DNAJC15: variants seen among roughly 807,000 people sequenced by gnomAD.
DNAJC15 encodes the protein dnaJ homolog subfamily C member 15.
DNAJC15 carries 27 observed loss-of-function variants against 22.4 expected under a neutral mutation model. The observed-to-expected ratio is 1.20, with a 90% CI of 0.89 to 1.66. DNAJC15 has a LOEUF of 1.66. DNAJC15 is among the 40% of genes most tolerant of loss of function. The probability of loss-of-function intolerance (pLI) is 0.00; values close to 1 mark genes in which losing one functional copy is unlikely to be tolerated. For synonymous variants in DNAJC15, 79 were observed against 63.2 expected, an observed-to-expected ratio of 1.25 and a Z score of -1.19; for missense variants, 208 against 187.1, an observed-to-expected ratio of 1.11 and a Z score of -0.65.
intron 5 of DNAJC15, among the ~76,000 whole-genome samples, chr13:43,099,993 T>C (rs953469349): frequency 6.6e-6 from 1 of 152,094 alleles, no homozygotes; most frequent in South Asian, 2.1e-4. Context: ...CTATAAGCCA[T>C]CAGGGGCTGG....
At chr13:43,051,013 C>T (rs556758141) in intron 1 of DNAJC15, among the ~76,000 whole-genome samples, 16 of 152,118 alleles carry the variant, frequency 1.1e-4, no homozygotes, top group South Asian at 1.0e-3. Context: ...TCACTGTTGC[C>T]GCCCAGGCTG....
At chr13:43,041,166 C>G (rs1159013090) in intron 1 of DNAJC15, among the ~76,000 whole-genome samples, 1 of 152,162 alleles carries the variant, frequency 6.6e-6, no homozygotes, top group Non-Finnish European at 1.5e-5. Flanking sequence ...GGGGAGAAAC[C>G]TTGGACGATA....
chr13:43,085,619 TG>T (rs1276840879), intron 4 of DNAJC15, 148 bp from the exon 5 acceptor site: 2 of 591,766 alleles, frequency 3.4e-6, no homozygotes, highest in Non-Finnish European at 5.9e-6. Flanking sequence ...TGATGGTTAG[TG>T]GAATTAAGTG....
chr13:43,027,947 G>A lies in DNAJC15; in HGVS notation c.108+4213G>A, dbSNP rs189165953. The stretch of plus-strand genomic sequence containing the variant: ...GCTGGGATTTCAGGGGTGAGCCACC[G>A]CACCCGGCCTAACTGATTCTTTCCC... On this transcript the variant is annotated intron_variant, in intron 1 of 5. Transcript: ENST00000379221. Among the ~76,000 whole-genome samples the A allele has an allele frequency of 7.2e-3, 1,098 of 152,244 alleles. 5 individuals carry two copies. The highest frequency in any genetic ancestry group is 0.012 in the Non-Finnish European group (789 of 68,004).
chr13:43,104,538 T>C (rs2762160), intron 5 of DNAJC15, among the ~76,000 whole-genome samples: 84,785 of 151,778 alleles, frequency 0.56, 23,971 homozygotes, highest in African/African-American at 0.66. Flanking sequence ...AGCAGAAGAC[T>C]TCTGGCCATA....
At chr13:43,048,639 G>A (rs2040488983) in intron 1 of DNAJC15, among the ~76,000 whole-genome samples, 1 of 152,212 alleles carries the variant, frequency 6.6e-6, no homozygotes, top group South Asian at 2.1e-4. Context: ...TAAGTAGAAT[G>A]TTAGGTTTTT....
Position 43,092,502 on chromosome 13 carries a change from A to G in DNAJC15, c.382+6664A>G, listed in dbSNP as rs75798373. On this transcript the variant is annotated intron_variant, in intron 5 of 5. Transcript: ENST00000379221. ...TGAATATATACATATACACACACAC[A>G]TGTGTGTGTGTATATATATATATAA... Among the ~76,000 whole-genome samples, 55 of 90,632 alleles carry G rather than the reference A, an allele frequency of 6.1e-4. 1 individual carries two copies. Among genetic ancestry groups the G allele is most frequent in the South Asian group, 2.3e-3 (8 of 3,486 alleles). The allele number at this position is 90,632 out of a possible 152,430, so 59.5% of individuals were successfully genotyped here.
intron 5 of DNAJC15, among the ~76,000 whole-genome samples, chr13:43,098,948 G>C (rs889905744): frequency 6.6e-6 from 1 of 152,020 alleles, no homozygotes; most frequent in African/African-American, 2.4e-5. Flanking sequence ...TGAGATTTTT[G>C]ATAAGGATTG....
At chr13:43,087,105 A>G (rs928576604) in intron 5 of DNAJC15, among the ~76,000 whole-genome samples, 6 of 152,336 alleles carry the variant, frequency 3.9e-5, no homozygotes, top group African/African-American at 9.6e-5. Flanking sequence ...TTTTATGCCT[A>G]TTCAATTAAT....
chr13:43,060,806 A>C (rs1344328463), intron 1 of DNAJC15, among the ~76,000 whole-genome samples: 1 of 152,222 alleles, frequency 6.6e-6, no homozygotes, highest in South Asian at 2.1e-4. Context: ...GGGAAGGCCA[A>C]ACTGAGGAAT....
intron 1 of DNAJC15, among the ~76,000 whole-genome samples, chr13:43,063,028 TGA>T (rs1304342290): frequency 1.4e-5 from 2 of 148,110 alleles, no homozygotes; most frequent in Admixed American, 6.7e-5. Flanking sequence ...CTTTATTTTT[TGA>T]GAGAGTCTCT....
At chr13:43,077,169 C>T (rs565961683) in intron 3 of DNAJC15, among the ~76,000 whole-genome samples, 31 of 152,244 alleles carry the variant, frequency 2.0e-4, no homozygotes, top group Admixed American at 1.4e-3. Flanking sequence ...TTAGTATATC[C>T]GAAATCATTC....
intron 1 of DNAJC15, among the ~76,000 whole-genome samples, chr13:43,051,203 C>T (rs982154234): frequency 1.6e-4 from 25 of 152,164 alleles, no homozygotes; most frequent in Admixed American, 6.5e-5. Flanking sequence ...GTCTCGAACT[C>T]CTGACCTCAG....
intron 3 of DNAJC15, among the ~76,000 whole-genome samples, chr13:43,078,112 C>T (rs2040643565): frequency 1.3e-5 from 2 of 152,140 alleles, no homozygotes; most frequent in Admixed American, 1.3e-4. Flanking sequence ...TCCTTTTCTC[C>T]TTGTTCACGC....
chr13:43,069,065 C>A, intron 3 of DNAJC15, 62 bp downstream of exon 3: 1 of 1,457,438 alleles, frequency 6.9e-7, no homozygotes, highest in Non-Finnish European at 9.4e-7. Flanking sequence ...TGACATATTT[C>A]AATTAACTTA....
intron 1 of DNAJC15, among the ~76,000 whole-genome samples, chr13:43,030,819 T>TA (rs1179539495): frequency 6.6e-6 from 1 of 152,222 alleles, no homozygotes; most frequent in African/African-American, 2.4e-5. Context: ...AGGTTGCAGA[T>TA]ACTTAGTAAA....
intron 1 of DNAJC15, among the ~76,000 whole-genome samples, chr13:43,048,676 TC>T (rs146556722): frequency 0.018 from 2,722 of 152,330 alleles, 69 homozygotes; most frequent in African/African-American, 0.062. Flanking sequence ...AGACCACTGT[TC>T]CCAAACATTA....
intron 1 of DNAJC15, among the ~76,000 whole-genome samples, chr13:43,024,262 A>G (rs965522517): frequency 6.6e-6 from 1 of 151,166 alleles, no homozygotes; most frequent in African/African-American, 2.4e-5. Context: ...GATGAACTGT[A>G]GAGCTGGAAA....
intron 5 of DNAJC15, among the ~76,000 whole-genome samples, chr13:43,086,699 G>T (rs2040690441): frequency 6.6e-6 from 1 of 152,158 alleles, no homozygotes; most frequent in Non-Finnish European, 1.5e-5. Context: ...GAATAAACAT[G>T]AGAATAAACT....
Sources: gnomAD v4.1 joint callset for allele counts (sites outside exome capture counted in the v4.1 genomes callset) on GRCh38, gnomAD v4.1.1 for gene constraint, MANE v1.5 for transcripts, NCBI Gene and HGNC (gene_info 2026-07-23, HGNC 2026-07-21) for gene names.